Variants in CRYBG1 observed in about 807,000 individuals in gnomAD.
CRYBG1 encodes beta/gamma crystallin domain-containing protein 1.
Under a neutral mutation model 189.2 loss-of-function variants are expected in CRYBG1, and 139 were observed. The observed-to-expected ratio is 0.73, with a 90% CI of 0.64 to 0.85. The LOEUF (loss-of-function observed/expected upper bound fraction) is 0.85, where lower values mean the gene tolerates loss of function less well. Ranked by LOEUF, CRYBG1 falls within the 40% of genes least tolerant of loss-of-function variation. The probability of loss-of-function intolerance (pLI) is 0.00; values close to 1 mark genes in which losing one functional copy is unlikely to be tolerated. For missense variants in CRYBG1, 2,611 were observed against 2,675.8 expected, an observed-to-expected ratio of 0.98 and a Z score of 0.53; for synonymous variants, 1,023 against 1,017.1, an observed-to-expected ratio of 1.01 and a Z score of -0.11.
At chr6:106,489,995 A>G (rs1248910893) in intron 2 of CRYBG1, among the ~76,000 whole-genome samples, 2 of 152,236 alleles carry the variant, frequency 1.3e-5, no homozygotes, top group African/African-American at 4.8e-5. Flanking sequence ...TAGGTGAAGA[A>G]ACATAAAGAA....
chr6:106,367,799 CAA>C (rs68107811), intron 1 of CRYBG1, among the ~76,000 whole-genome samples: 90,226 of 136,694 alleles, frequency 0.66, 29,102 homozygotes, highest in East Asian at 0.72. Flanking sequence ...CCTGCTTATC[CAA>C]AAAAAAAAAA....
intron 17 of CRYBG1, among the ~76,000 whole-genome samples, chr6:106,556,316 T>A (rs991348617): frequency 6.6e-6 from 1 of 152,250 alleles, no homozygotes; most frequent in African/African-American, 2.4e-5. Context: ...GAAAGCAGTA[T>A]GTCGTCATTG....
chr6:106,555,705 C>T lies in CRYBG1; in HGVS notation c.5586-63C>T. ...TAGCAGGCCACCTCTAAAAATCAGA[C>T]TTCTTGAATAGGAGTGCTCAAGTTG... is the stretch of plus-strand genomic sequence containing the variant. On this transcript the variant is annotated intron_variant, in intron 16 of 21. Coordinates refer to ENST00000633556, the MANE Select transcript of CRYBG1 (RefSeq NM_001371242.2). The T allele has an allele frequency of 2.6e-6, 4 of 1,563,074 alleles. No individual in the cohort carries two copies. The South Asian group carries it at 3.6e-5, about 14-fold the overall frequency.
rs142565484 is a variant in CRYBG1 at position 106,429,086 on chromosome 6, G to A, written c.174-22608G>A. 4.2e-3 allele frequency among the ~76,000 whole-genome samples: 639 copies of A among 152,078 alleles called. 6 individuals carry two copies. The highest frequency in any genetic ancestry group is 0.015 in the African/African-American group (607 of 41,524). On this transcript the variant is annotated intron_variant, in intron 1 of 21. Transcript: ENST00000633556. ...GAAATGGATAAAACTAATCTGTAAG[G>A]CTGGCAGAGTTGATGACCTGAACAT...
Position 106,519,495 on chromosome 6 carries a change from G to GCAAC in CRYBG1, c.2290_2293dup (p.Arg765AsnfsTer10). 1 of 1,614,124 alleles carries GCAAC rather than the reference G, an allele frequency of 6.2e-7. No individual in the cohort carries two copies. The highest frequency in any genetic ancestry group is 8.5e-7 in the Non-Finnish European group (1 of 1,180,018). ...CGTCTCGGAAGAAGAGATTCTGCCA[G>GCAAC]CAACCAGAGGAATGAATGGAGACTC... On this transcript the variant is annotated frameshift_variant, in exon 4 of 22. Transcript: ENST00000633556. LOFTEE classifies it high-confidence loss of function.
intron 15 of CRYBG1, among the ~76,000 whole-genome samples, chr6:106,553,140 G>T (rs1774448006): frequency 6.6e-6 from 1 of 152,200 alleles, no homozygotes; most frequent in Non-Finnish European, 1.5e-5. Flanking sequence ...CAGAACTGAT[G>T]AACAATGATT....
intron 2 of CRYBG1, among the ~76,000 whole-genome samples, chr6:106,474,475 T>C (rs1772296404): frequency 1.3e-5 from 2 of 152,252 alleles, no homozygotes; most frequent in African/African-American, 4.8e-5. Flanking sequence ...CTTAATTGAT[T>C]TTTTAAGTCA....
At chr6:106,525,512 C>T (rs1191030110) in intron 6 of CRYBG1, 126 bp downstream of exon 6, 3 of 743,506 alleles carry the variant, frequency 4.0e-6, no homozygotes, top group Admixed American at 2.1e-5. Context: ...AAATACTACT[C>T]GTGGTAAGAT....
At chr6:106,502,920 A>G (rs1265890792) in intron 2 of CRYBG1, among the ~76,000 whole-genome samples, 1 of 152,254 alleles carries the variant, frequency 6.6e-6, no homozygotes, top group Non-Finnish European at 1.5e-5. Context: ...TTTGTCTTAA[A>G]GAAAACTCTC....
Position 106,512,856 on chromosome 6 carries a change from C to A in CRYBG1, c.1739C>A (p.Pro580Gln). 1 of 1,587,058 alleles carries A rather than the reference C, an allele frequency of 6.3e-7. No homozygotes were observed. The highest frequency in any genetic ancestry group is 2.3e-5 in the East Asian group (1 of 43,396). Residue 580 changes from proline to glutamine, a missense_variant, in exon 3 of 22, where the codon CCG becomes CAG. By Grantham distance (76) the Pro-to-Gln change is moderately conservative. This residue lies in a region of CRYBG1 where 985 missense variants were observed against 924.4 expected (regional missense o/e 1.07). Transcript: ENST00000633556. ...ELPVKSSSLL[P>Q]EIKPEHKRGP... Reference sequence around the variant, plus strand: ...CCGGTCAAGAGCAGCTCGCTGCTGCCGGAGATCAAGCCCGAGCACAAGAGG... The same window carrying A: ...CCGGTCAAGAGCAGCTCGCTGCTGCAGGAGATCAAGCCCGAGCACAAGAGG...
chr6:106,486,516 G>A (rs954465992), intron 2 of CRYBG1, among the ~76,000 whole-genome samples: 5 of 152,108 alleles, frequency 3.3e-5, no homozygotes, highest in Non-Finnish European at 5.9e-5. Flanking sequence ...TCTGTCCGTT[G>A]TTGAAAGTGT....
At chr6:106,549,544 G>C (rs1774350473) in intron 13 of CRYBG1, among the ~76,000 whole-genome samples, 1 of 151,848 alleles carries the variant, frequency 6.6e-6, no homozygotes, top group African/African-American at 2.4e-5. Context: ...TTTGAGACCA[G>C]CCTGGCCAAC....
In CRYBG1 at chr6:106,543,656, T is replaced by C. The variant is rs975909899; in HGVS notation, c.5039+59T>C. 6.7e-5 allele frequency: 104 copies of C among 1,548,902 alleles called. No homozygotes were observed. The Admixed American group carries it at 6.9e-4, about 10-fold the overall frequency. ...TTTTTCCGAAATATTAAGTAATAAA[T>C]GTGCCCTTTCCCCCCTAAAAACAAC... On this transcript the variant is annotated intron_variant, in intron 11 of 21. Coordinates refer to ENST00000633556, the MANE Select transcript of CRYBG1 (RefSeq NM_001371242.2).
At chr6:106,474,696 T>C (rs1046558207) in intron 2 of CRYBG1, among the ~76,000 whole-genome samples, 1 of 152,108 alleles carries the variant, frequency 6.6e-6, no homozygotes, top group Non-Finnish European at 1.5e-5. Context: ...GTGCAGGGAA[T>C]GTGTCCAGAG....
Position 106,511,935 on chromosome 6 carries a change from G to GCAGT in CRYBG1, c.820_823dup (p.Pro275GlnfsTer41). On this transcript the variant is annotated frameshift_variant, in exon 3 of 22. Transcript: ENST00000633556. LOFTEE classifies it high-confidence loss of function. ...CAAGAGAACGCAGAGACGCCCGCCCGCAGTCCGGGGGAGGACGCTTCACCA... is the reference window on the plus strand; with the variant it reads ...CAAGAGAACGCAGAGACGCCCGCCCGCAGTCAGTCCGGGGGAGGACGCTTCACCA... 1 of 1,524,772 alleles carries GCAGT rather than the reference G, an allele frequency of 6.6e-7. No individual in the cohort carries two copies. The highest frequency in any genetic ancestry group is 8.8e-7 in the Non-Finnish European group (1 of 1,139,828). 94.5% of individuals were successfully genotyped at this position (1,524,772 alleles called of 1,614,324 possible).
chr6:106,431,697 T>C (rs1290201241), intron 1 of CRYBG1, among the ~76,000 whole-genome samples: 1 of 152,146 alleles, frequency 6.6e-6, no homozygotes, highest in Non-Finnish European at 1.5e-5. Flanking sequence ...TTTTGTAGTG[T>C]GCTATATTTT....
At chr6:106,471,588 T>C (rs1048552702) in intron 2 of CRYBG1, among the ~76,000 whole-genome samples, 2 of 152,126 alleles carry the variant, frequency 1.3e-5, no homozygotes, top group Non-Finnish European at 2.9e-5. Flanking sequence ...AAGAATACTT[T>C]TAGGACAGTG....
chr6:106,455,392 T>C (rs1337018129), intron 2 of CRYBG1, among the ~76,000 whole-genome samples: 1 of 152,016 alleles, frequency 6.6e-6, no homozygotes, highest in Non-Finnish European at 1.5e-5. Context: ...TTATATTTAT[T>C]GCTTAACTCA....
At chr6:106,394,019 A>G (rs185366950) in intron 1 of CRYBG1, among the ~76,000 whole-genome samples, 22 of 152,254 alleles carry the variant, frequency 1.4e-4, no homozygotes, top group African/African-American at 5.3e-4. Context: ...ACTGAGCAAT[A>G]GCACTTTTAT....
Sources: gnomAD v4.1 joint callset for allele counts (sites outside exome capture counted in the v4.1 genomes callset) on GRCh38, gnomAD v4.1.1 for gene constraint, gnomAD v4.1.1 regional missense constraint, MANE v1.5 for transcripts, NCBI Gene and HGNC (gene_info 2026-07-23, HGNC 2026-07-21) for gene names.